The following THEMIS variants were observed in gnomAD, a reference collection of about 807,000 sequenced individuals.
The protein encoded by THEMIS is thymocyte selection associated.
In THEMIS, 37 loss-of-function variants were observed where a neutral mutation model predicts 52.6. The observed-to-expected ratio is 0.70, with a 90% CI of 0.54 to 0.93. THEMIS has a LOEUF of 0.93. Ranked by LOEUF, THEMIS falls within the 40% of genes least tolerant of loss-of-function variation. THEMIS has a pLI of 0.00. For missense variants in THEMIS, 808 were observed against 763.1 expected (o/e 1.06, Z -0.69); for synonymous variants, 292 against 272.7 (o/e 1.07, Z -0.70).
intron 4 of THEMIS, among the ~76,000 whole-genome samples, chr6:127,725,728 C>G (rs1408797490): frequency 2.0e-5 from 3 of 152,062 alleles, no homozygotes; most frequent in African/African-American, 7.2e-5. Context: ...TCAAACTGCC[C>G]TTTCTGCACA....
upstream of THEMIS, among the ~76,000 whole-genome samples, chr6:127,902,342 A>AAAT (rs1554248939): frequency 3.3e-5 from 5 of 150,030 alleles, no homozygotes; most frequent in Non-Finnish European, 5.9e-5. Flanking sequence ...AAAAAAAAAA[A>AAAT]AAATAAAGAA....
intron 1 of THEMIS, among the ~76,000 whole-genome samples, chr6:127,899,062 G>A (rs1003902692): frequency 2.0e-5 from 3 of 151,700 alleles, no homozygotes; most frequent in Non-Finnish European, 2.9e-5. Context: ...AGTACAATAG[G>A]GTGACTATAG....
At chr6:127,700,688 T>C in the THEMIS span, among the ~76,000 whole-genome samples, 1 of 152,048 alleles carries the variant, frequency 6.6e-6, no homozygotes, top group Non-Finnish European at 1.5e-5. Flanking sequence ...CTAAAGTATG[T>C]GCCTAACAAC....
At chr6:127,700,695 C>T in the THEMIS span, among the ~76,000 whole-genome samples, 1 of 151,980 alleles carries the variant, frequency 6.6e-6, no homozygotes, top group Non-Finnish European at 1.5e-5. Flanking sequence ...ATGTGCCTAA[C>T]AACATTATAT....
At chr6:127,809,352 G>T (rs1777823408) in intron 4 of THEMIS, among the ~76,000 whole-genome samples, 1 of 152,048 alleles carries the variant, frequency 6.6e-6, no homozygotes. Flanking sequence ...GTGAGAATAA[G>T]AAATATTTGC....
At chr6:127,854,243 C>A (rs573860958) in intron 2 of THEMIS, among the ~76,000 whole-genome samples, 3 of 151,858 alleles carry the variant, frequency 2.0e-5, no homozygotes, top group Non-Finnish European at 4.4e-5. Flanking sequence ...TGAGCCATAG[C>A]CATGCTCATT....
At chr6:127,774,387 A>G (rs1776487969) in intron 4 of THEMIS, among the ~76,000 whole-genome samples, 2 of 152,042 alleles carry the variant, frequency 1.3e-5, no homozygotes, top group South Asian at 4.1e-4. Context: ...TTGTATTTTT[A>G]GTACAGACGG....
upstream of THEMIS, among the ~76,000 whole-genome samples, chr6:127,902,283 C>T (rs753567914): frequency 3.4e-5 from 5 of 147,696 alleles, no homozygotes; most frequent in Admixed American, 1.4e-4. Context: ...TGTGAACATG[C>T]CACTGCATTC....
At chr6:127,783,645 T>C (rs550870617) in intron 4 of THEMIS, among the ~76,000 whole-genome samples, 4 of 152,346 alleles carry the variant, frequency 2.6e-5, no homozygotes, top group African/African-American at 9.6e-5. Flanking sequence ...AAGCTCATCA[T>C]CAATGGTGAT....
intron 2 of THEMIS, among the ~76,000 whole-genome samples, chr6:127,853,132 G>A (rs1379315354): frequency 6.6e-6 from 1 of 151,554 alleles, no homozygotes; most frequent in Non-Finnish European, 1.5e-5. Context: ...ATAAGATTCA[G>A]ATTCTGCCTC....
At chr6:127,875,808 T>TATGTGTC (rs535275631) in intron 1 of THEMIS, among the ~76,000 whole-genome samples, 13 of 152,234 alleles carry the variant, frequency 8.5e-5, no homozygotes, top group Non-Finnish European at 1.6e-4. Context: ...TTTGGTCATC[T>TATGTGTC]ATGTGTCATG....
At chr6:127,711,821 G>A (rs926696240) in intron 5 of THEMIS, among the ~76,000 whole-genome samples, 1 of 151,916 alleles carries the variant, frequency 6.6e-6, no homozygotes, top group African/African-American at 2.4e-5. Context: ...TGGGATGAAG[G>A]AAAATGAAAT....
intron 1 of THEMIS, among the ~76,000 whole-genome samples, chr6:127,908,093 CG>C (rs1420923144): frequency 6.6e-6 from 1 of 152,074 alleles, no homozygotes; most frequent in South Asian, 2.1e-4. Flanking sequence ...TCCTGCCTCC[CG>C]GCACTTTTAG....
chr6:127,845,876 A>G (rs142947398), intron 2 of THEMIS, among the ~76,000 whole-genome samples: 2 of 152,110 alleles, frequency 1.3e-5, no homozygotes, highest in East Asian at 1.9e-4. Flanking sequence ...AGAAAGTCAC[A>G]TGAGTAATTT....
intron 4 of THEMIS, among the ~76,000 whole-genome samples, chr6:127,758,372 T>G (rs894757428): frequency 6.7e-6 from 1 of 148,596 alleles, no homozygotes; most frequent in East Asian, 1.9e-4. Flanking sequence ...TGAAAATACC[T>G]TGTAATAATG....
At chr6:127,893,751 A>C (rs1780880723) in intron 1 of THEMIS, among the ~76,000 whole-genome samples, 1 of 152,088 alleles carries the variant, frequency 6.6e-6, no homozygotes, top group Admixed American at 6.6e-5. Context: ...CCCATCCCCC[A>C]AAATTTGTCA....
chr6:127,840,374 G>T (rs186378927), intron 2 of THEMIS, among the ~76,000 whole-genome samples: 40 of 152,186 alleles, frequency 2.6e-4, no homozygotes, highest in African/African-American at 8.4e-4. Flanking sequence ...ACACAGGCAA[G>T]TCCTCAGAAT....
At chr6:127,706,427 G>A (rs905998822), downstream of THEMIS, among the ~76,000 whole-genome samples, 1 of 152,062 alleles carries the variant, frequency 6.6e-6, no homozygotes, top group Non-Finnish European at 1.5e-5. Flanking sequence ...CAGGGAGTCA[G>A]TATTCAGACC....
rs574960095 is a variant in THEMIS at position 127,873,189 on chromosome 6, T to C, written c.92-18001A>G. Among the ~76,000 whole-genome samples, 8 of 152,266 alleles carry C rather than the reference T, an allele frequency of 5.3e-5. No individual in the cohort carries two copies. The East Asian group carries it at 1.5e-3, about 29-fold the overall frequency. On this transcript the variant is annotated intron_variant, in intron 1 of 5. Coordinates refer to ENST00000368248, the MANE Select transcript of THEMIS (RefSeq NM_001010923.3). ...ACATACTGTTTTCATTCATTGAAAG[T>C]CTCAACAACGTAAAGATGTCAATTT...
Sources: allele counts gnomAD v4.1 joint callset (sites outside exome capture counted in the v4.1 genomes callset), GRCh38; gene constraint gnomAD v4.1.1; transcripts MANE v1.5; gene names NCBI Gene and HGNC (gene_info 2026-07-23, HGNC 2026-07-21).